Variants in VWA8 observed in about 807,000 individuals in gnomAD.
VWA8 encodes von Willebrand factor A domain containing 8.
VWA8 carries 221 observed loss-of-function variants against 241.5 expected under a neutral mutation model. The ratio of observed to expected loss-of-function variants is 0.91; its 90% CI spans 0.82 to 1.02. The LOEUF (loss-of-function observed/expected upper bound fraction) is 1.02, where lower values mean the gene tolerates loss of function less well. VWA8 is among the 50% of genes least tolerant of loss of function. The pLI, the probability that VWA8 is intolerant of heterozygous loss-of-function variation, is 0.00. For missense variants in VWA8, 2,322 were observed against 2,328.7 expected (o/e 1.00, Z 0.06); for synonymous variants, 852 against 827.1 (o/e 1.03, Z -0.52).
At chr13:41,737,639 G>A (rs2045536025) in intron 21 of VWA8, among the ~76,000 whole-genome samples, 1 of 152,164 alleles carries the variant, frequency 6.6e-6, no homozygotes, top group Non-Finnish European at 1.5e-5. Flanking sequence ...TGTACAACAT[G>A]TTGAATATTT....
intron 43 of VWA8, among the ~76,000 whole-genome samples, chr13:41,571,906 T>C (rs1295567172): frequency 1.4e-5 from 2 of 141,442 alleles, no homozygotes; most frequent in African/African-American, 2.7e-5. Context: ...AAGTGAGGAG[T>C]GTCTCTGCCC....
intron 34 of VWA8, among the ~76,000 whole-genome samples, chr13:41,689,122 T>A (rs1422816108): frequency 6.6e-6 from 1 of 152,150 alleles, no homozygotes; most frequent in Non-Finnish European, 1.5e-5. Flanking sequence ...GAATACTCAT[T>A]TCCCCCTACT....
At chr13:41,891,164 G>GA (rs1386242279) in intron 5 of VWA8, among the ~76,000 whole-genome samples, 10 of 138,936 alleles carry the variant, frequency 7.2e-5, no homozygotes, top group South Asian at 6.8e-4. Flanking sequence ...GAAAAAATAG[G>GA]AAAAAAAATG....
chr13:41,754,701 C>T (rs958447416), intron 21 of VWA8, among the ~76,000 whole-genome samples: 1 of 152,066 alleles, frequency 6.6e-6, no homozygotes, highest in Non-Finnish European at 1.5e-5. Flanking sequence ...CATATGTATT[C>T]TATATAACTA....
intron 1 of VWA8, among the ~76,000 whole-genome samples, chr13:41,954,368 T>C (rs1304199290): frequency 6.6e-6 from 1 of 152,198 alleles, no homozygotes; most frequent in Non-Finnish European, 1.5e-5. Context: ...ATATTGTCCA[T>C]TGTGTGCGCC....
At chr13:41,741,971 C>G (rs1412549877) in intron 21 of VWA8, among the ~76,000 whole-genome samples, 1 of 152,078 alleles carries the variant, frequency 6.6e-6, no homozygotes, top group Non-Finnish European at 1.5e-5. Context: ...TTTTAACTGG[C>G]AGGAATGAGT....
intron 9 of VWA8, among the ~76,000 whole-genome samples, chr13:41,870,819 C>T (rs1873564335): frequency 6.6e-6 from 1 of 152,098 alleles, no homozygotes; most frequent in Admixed American, 6.6e-5. Context: ...CCACTTGCTA[C>T]ACTGGTTATG....
At chr13:41,801,882 A>T (rs1242355356) in intron 17 of VWA8, among the ~76,000 whole-genome samples, 1 of 152,224 alleles carries the variant, frequency 6.6e-6, no homozygotes, top group Non-Finnish European at 1.5e-5. Flanking sequence ...GACTTAAACA[A>T]TTTTCTCATT....
At chr13:41,674,023 A>C (rs2045043362) in intron 36 of VWA8, among the ~76,000 whole-genome samples, 1 of 152,258 alleles carries the variant, frequency 6.6e-6, no homozygotes, top group Admixed American at 6.5e-5. Context: ...TTTAATGAGC[A>C]TATAATTAAG....
At chr13:41,701,639 T>C (rs1160563058) in intron 27 of VWA8, 109 bp from the exon 28 acceptor site, 3 of 1,041,532 alleles carry the variant, frequency 2.9e-6, no homozygotes, top group Non-Finnish European at 3.9e-6. Context: ...TTTAATATCC[T>C]GCTATACCTT....
intron 40 of VWA8, among the ~76,000 whole-genome samples, chr13:41,596,377 T>C (rs956037599): frequency 6.6e-6 from 1 of 152,136 alleles, no homozygotes; most frequent in African/African-American, 2.4e-5. Context: ...AGAAAGTTAC[T>C]GAAGGCTGAA....
chr13:41,573,026 T>A (rs1428389998), intron 43 of VWA8, among the ~76,000 whole-genome samples: 2 of 149,416 alleles, frequency 1.3e-5, no homozygotes, highest in Non-Finnish European at 3.0e-5. Context: ...GGAGAGTCGC[T>A]TGGGTGTGGG....
intron 40 of VWA8, among the ~76,000 whole-genome samples, chr13:41,597,146 A>G (rs1445793068): frequency 6.6e-6 from 1 of 152,162 alleles, no homozygotes; most frequent in African/African-American, 2.4e-5. Flanking sequence ...GGGTGAATGA[A>G]TAACTGTAAA....
At chr13:41,875,008 G>A (rs930227366) in intron 9 of VWA8, among the ~76,000 whole-genome samples, 2 of 152,146 alleles carry the variant, frequency 1.3e-5, no homozygotes, top group African/African-American at 4.8e-5. Flanking sequence ...AATATTAAAT[G>A]TATCTATTTG....
intron 26 of VWA8, among the ~76,000 whole-genome samples, chr13:41,713,766 T>C (rs1226496987): frequency 6.6e-6 from 1 of 152,206 alleles, no homozygotes; most frequent in Non-Finnish European, 1.5e-5. Context: ...ATATACTTTA[T>C]GAATCTTGTT....
At chr13:41,836,556 C>T (rs1206686624) in intron 12 of VWA8, among the ~76,000 whole-genome samples, 1 of 152,086 alleles carries the variant, frequency 6.6e-6, no homozygotes, top group Non-Finnish European at 1.5e-5. Context: ...CATTCTTATA[C>T]CAACATATCT....
rs1490637446 is a variant in VWA8 at position 41,727,391 on chromosome 13, CATAA to C, written c.2639-82_2639-79del. 32 of 1,092,202 alleles carry C rather than the reference CATAA, an allele frequency of 2.9e-5. 1 individual carries two copies. Among genetic ancestry groups the C allele is most frequent in the Non-Finnish European group, 4.0e-5 (32 of 791,680 alleles). 67.7% of individuals were successfully genotyped at this position (1,092,202 alleles called of 1,614,324 possible). ...TATCAAGCAACAATCTTTTAGATAA[CATAA>C]ATAGTTATACTGTTCAATTGTAAAA... is the stretch of plus-strand genomic sequence containing the variant. On this transcript the variant is annotated intron_variant, in intron 23 of 44. Transcript: ENST00000379310.
intron 10 of VWA8, among the ~76,000 whole-genome samples, chr13:41,867,565 A>C (rs1413315460): frequency 6.6e-6 from 1 of 152,230 alleles, no homozygotes; most frequent in Non-Finnish European, 1.5e-5. Context: ...TGCGGGATTT[A>C]AATCGTGTAA....
chr13:41,761,589 T>C (rs1441846932), intron 20 of VWA8, among the ~76,000 whole-genome samples: 1 of 152,110 alleles, frequency 6.6e-6, no homozygotes, highest in Non-Finnish European at 1.5e-5. Context: ...ATGGTTTTTC[T>C]AATCAGTTCT....
Sources: gnomAD v4.1 joint callset for allele counts (sites outside exome capture counted in the v4.1 genomes callset) on GRCh38, gnomAD v4.1.1 for gene constraint, MANE v1.5 for transcripts, NCBI Gene and HGNC (gene_info 2026-07-23, HGNC 2026-07-21) for gene names.